Variants in DYRK1A observed in about 807,000 individuals in gnomAD.
DYRK1A encodes dual specificity tyrosine phosphorylation regulated kinase 1A.
DYRK1A carries 9 observed loss-of-function variants against 79.7 expected under a neutral mutation model. That is an observed-to-expected ratio of 0.11 (90% confidence interval 0.07 to 0.20). The LOEUF (loss-of-function observed/expected upper bound fraction) is 0.20, where lower values mean the gene tolerates loss of function less well. DYRK1A is among the 10% of genes least tolerant of loss of function. DYRK1A has a pLI of 1.00. For missense variants in DYRK1A, 622 were observed against 956.0 expected, an observed-to-expected ratio of 0.65 and a Z score of 4.61; for synonymous variants, 349 against 329.7, an observed-to-expected ratio of 1.06 and a Z score of -0.63.
chr21:37,504,711 TTTTCTC>T (rs1381614779), intron 9 of DYRK1A: 1 of 152,314 alleles, frequency 6.6e-6, no homozygotes, highest in African/African-American at 2.4e-5. Flanking sequence ...GCATACATAA[TTTTCTC>T]TTTTTCTACC....
intron 2 of DYRK1A, among the ~76,000 whole-genome samples, chr21:37,446,638 G>T (rs1465808026): frequency 6.6e-6 from 1 of 150,498 alleles, no homozygotes; most frequent in East Asian, 1.9e-4. Context: ...GCTCACACGT[G>T]TTACCTCACG....
chr21:37,415,193 T>C (rs908115229), intron 1 of DYRK1A, among the ~76,000 whole-genome samples: 1 of 152,186 alleles, frequency 6.6e-6, no homozygotes, highest in Non-Finnish European at 1.5e-5. Flanking sequence ...TAGCCAAAAT[T>C]TGGGGCAAAA....
At chr21:37,481,847 T>TA (rs1391118104) in intron 5 of DYRK1A, among the ~76,000 whole-genome samples, 1 of 147,338 alleles carries the variant, frequency 6.8e-6, no homozygotes, top group Non-Finnish European at 1.5e-5. Context: ...CTCTATTCAT[T>TA]TAAAAAAAAA....
chr21:37,366,253 C>CCCTCCT (rs1367895803), upstream of DYRK1A: 1 of 148,988 alleles, frequency 6.7e-6, no homozygotes, highest in South Asian at 2.1e-4. Context: ...GCCGCGGCGC[C>CCCTCCT]CCTCCTCCTC....
At chr21:37,424,089 A>G (rs1387735658) in intron 2 of DYRK1A, among the ~76,000 whole-genome samples, 1 of 152,110 alleles carries the variant, frequency 6.6e-6, no homozygotes, top group Non-Finnish European at 1.5e-5. Context: ...GGGGTACACT[A>G]GGAGAATGAA....
intron 9 of DYRK1A, chr21:37,502,942 A>G (rs2053493712): frequency 1.3e-5 from 2 of 152,202 alleles, no homozygotes; most frequent in South Asian, 4.1e-4. Context: ...TTAAAGATGT[A>G]TTGACTTTTT....
intron 2 of DYRK1A, among the ~76,000 whole-genome samples, chr21:37,455,863 G>T (rs2051620786): frequency 6.6e-6 from 1 of 152,186 alleles, no homozygotes; most frequent in African/African-American, 2.4e-5. Flanking sequence ...TCTGCAGATG[G>T]AAAGGGAGGT....
intron 2 of DYRK1A, among the ~76,000 whole-genome samples, chr21:37,437,180 T>G (rs545497915): frequency 6.6e-6 from 1 of 152,300 alleles, no homozygotes; most frequent in East Asian, 1.9e-4. Flanking sequence ...TTTGAAGTTT[T>G]TCTTGTAAAA....
In DYRK1A at chr21:37,505,311, T is replaced by C. The variant is rs575017348; in HGVS notation, c.1241T>C (p.Leu414Pro). The change falls in exon 10 of 12, where the codon CTT becomes CCT. Residue 414 changes from leucine (L) to proline (P), a missense_variant. Transcript: ENST00000647188. ...REYKPPGTRK[L>P]HNILGVETGG... is the part of the protein sequence containing the mutation. The stretch of plus-strand genomic sequence containing the variant: ...TACAAACCACCAGGAACCCGTAAAC[T>C]TCATAACATTCTTGGAGTGGAAACA... The C allele has an allele frequency of 2.9e-5, 47 of 1,613,808 alleles. No homozygotes were observed. In the South Asian group the frequency reaches 5.2e-4, roughly 18 times the overall value.
chr21:37,486,326 C>G (rs947688177), intron 5 of DYRK1A, 141 bp from the exon 6 acceptor site: 3 of 547,406 alleles, frequency 5.5e-6, no homozygotes, highest in Non-Finnish European at 2.9e-6. Flanking sequence ...GATGGCATCT[C>G]TTCTACTTAG....
intron 2 of DYRK1A, among the ~76,000 whole-genome samples, chr21:37,424,962 T>A (rs892959934): frequency 6.6e-6 from 1 of 152,218 alleles, no homozygotes; most frequent in Non-Finnish European, 1.5e-5. Context: ...AAAAGAAGAA[T>A]CTCTTATTTT....
intron 1 of DYRK1A, among the ~76,000 whole-genome samples, chr21:37,406,445 T>C (rs899430583): frequency 3.9e-5 from 6 of 152,126 alleles, no homozygotes; most frequent in Admixed American, 3.9e-4. Flanking sequence ...TCTGTAATCC[T>C]AGTGCTTTGG....
At chr21:37,495,192 GT>G (rs1569384151) in intron 8 of DYRK1A, among the ~76,000 whole-genome samples, 8 of 125,368 alleles carry the variant, frequency 6.4e-5, no homozygotes, top group African/African-American at 2.3e-4. Flanking sequence ...GTGTGTGTGT[GT>G]GTGTGTGTGG....
intron 1 of DYRK1A, among the ~76,000 whole-genome samples, chr21:37,377,189 G>A (rs894357261): frequency 1.3e-5 from 2 of 151,928 alleles, no homozygotes; most frequent in African/African-American, 2.4e-5. Context: ...GCGCAATCTC[G>A]GCTCACTGCA....
chr21:37,366,735 A>G (rs1481229697), upstream of DYRK1A, among the ~76,000 whole-genome samples: 3 of 151,774 alleles, frequency 2.0e-5, no homozygotes, highest in Non-Finnish European at 2.9e-5. Context: ...TCAGCACGTC[A>G]GCCGGGGTTT....
At position 37,420,328 on chromosome 21, in the gene DYRK1A, T is replaced by C. The variant is rs1291396751; in HGVS notation, c.-47T>C. 1 of 1,584,406 alleles carries C rather than the reference T, an allele frequency of 6.3e-7. No homozygotes were observed. Among genetic ancestry groups the C allele is most frequent in the Non-Finnish European group, 8.7e-7 (1 of 1,155,314 alleles). On this transcript the variant is annotated 5_prime_UTR_variant, in exon 2 of 12. Coordinates refer to ENST00000647188, the MANE Select transcript of DYRK1A (RefSeq NM_001347721.2). ...ATAGTTTTGCCGCTGGACTCTTCCC[T>C]CCCTTCCCCCACCCCATCAGGATGA...
intron 1 of DYRK1A, among the ~76,000 whole-genome samples, chr21:37,406,491 T>C (rs936559174): frequency 6.6e-6 from 1 of 151,834 alleles, no homozygotes; most frequent in Admixed American, 6.6e-5. Flanking sequence ...AGACCAGGAG[T>C]TTGAGACCAG....
At chr21:37,506,477 C>A (rs1250195105) in intron 11 of DYRK1A, 1 of 1,124,230 alleles carries the variant, frequency 8.9e-7, no homozygotes, top group Non-Finnish European at 1.2e-6. Flanking sequence ...GTGTTTATCT[C>A]ATTTACCAAA....
At chr21:37,398,802 T>C (rs1188760260) in intron 1 of DYRK1A, among the ~76,000 whole-genome samples, 1 of 151,856 alleles carries the variant, frequency 6.6e-6, no homozygotes. Context: ...CCTACAACCA[T>C]AACAGGACAG....
Sources: allele counts gnomAD v4.1 joint callset (sites outside exome capture counted in the v4.1 genomes callset), GRCh38; gene constraint gnomAD v4.1.1; transcripts MANE v1.5; gene names NCBI Gene and HGNC (gene_info 2026-07-23, HGNC 2026-07-21).